TSC22D2: variants seen among roughly 807,000 people sequenced by gnomAD.
TSC22D2 encodes the protein TSC22 domain family member 2.
A neutral mutation model predicts 50.1 loss-of-function variants in TSC22D2; 5 were observed. The ratio of observed to expected loss-of-function variants is 0.10; its 90% CI spans 0.05 to 0.21. TSC22D2 has a LOEUF of 0.21. TSC22D2 is among the 10% of genes least tolerant of loss of function. The pLI is 1.00. For missense variants in TSC22D2, 1,003 were observed against 1,015.5 expected, an observed-to-expected ratio of 0.99 and a Z score of 0.17; for synonymous variants, 501 against 450.1, an observed-to-expected ratio of 1.11 and a Z score of -1.43.
Position 150,410,973 on chromosome 3 carries a change from GAGC to G in TSC22D2, c.1627_1629del (p.Ser543del). On this transcript the variant is annotated inframe_deletion, in exon 1 of 3. Transcript: ENST00000688009. The stretch of plus-strand genomic sequence containing the variant: ...CGCCTCTGGCCCAGTCGCAACAGCT[GAGC>G]AGCCATACGCCAGTCAGCAGGAGCA... The G allele has an allele frequency of 6.2e-7, 1 of 1,614,206 alleles. No individual in the cohort carries two copies. The highest frequency in any genetic ancestry group is 8.5e-7 in the Non-Finnish European group (1 of 1,180,038).
Position 150,410,654 on chromosome 3 carries a change from A to G in TSC22D2, c.1304A>G (p.Glu435Gly). ...ATGGGCGCGTCTTCCCAGCCCAGCG[A>G]AGCCATGGCCCCCCGGACGGGACCA... Reference protein sequence around the residue: ...QLMGASSQPSEAMAPRTGPAQ... With the variant: ...QLMGASSQPSGAMAPRTGPAQ... The change falls in exon 1 of 3, where the codon GAA becomes GGA. Residue 435 changes from glutamate (E) to glycine (G), a missense_variant. Transcript: ENST00000688009. The G allele has an allele frequency of 6.4e-7, 1 of 1,554,428 alleles. No individual in the cohort carries two copies. Among genetic ancestry groups the G allele is most frequent in the Non-Finnish European group, 8.7e-7 (1 of 1,152,114 alleles).
At chr3:150,414,084 A>G (rs1394522417) in intron 1 of TSC22D2, among the ~76,000 whole-genome samples, 2 of 152,224 alleles carry the variant, frequency 1.3e-5, no homozygotes, top group African/African-American at 2.4e-5. Flanking sequence ...ACCGGGCCTT[A>G]TAGTAATACA....
At chr3:150,455,260 A>T (rs1396088013) in intron 1 of TSC22D2, among the ~76,000 whole-genome samples, 1 of 152,198 alleles carries the variant, frequency 6.6e-6, no homozygotes. Flanking sequence ...TCTGGCACTG[A>T]AGTATATACT....
chr3:150,447,416 T>C (rs928795664), intron 1 of TSC22D2, among the ~76,000 whole-genome samples: 34 of 152,174 alleles, frequency 2.2e-4, no homozygotes, highest in African/African-American at 8.0e-4. Context: ...AATCTAGACT[T>C]CTAGGCCAGA....
Position 150,458,463 on chromosome 3 carries a change from T to A in TSC22D2, c.2098T>A (p.Ser700Thr). 1.2e-6 allele frequency: 2 copies of A among 1,614,122 alleles called. No homozygotes were observed. The highest frequency in any genetic ancestry group is 1.7e-6 in the Non-Finnish European group (2 of 1,180,014). ...AATAAAAGAATTAGTTGAAAGAAAC[T>A]CTTTACTTGAACGAGAAAATGCACT... The part of the protein sequence containing the change: ...EQIKELVERN[S>T]LLERENALLK... The change falls in exon 3 of 3, where the codon TCT (serine) becomes ACT (threonine). Residue 700 changes from serine (S) to threonine (T), a missense_variant. Physicochemically the swap from Ser to Thr is moderately conservative, Grantham distance 58. Transcript: ENST00000688009.
At chr3:150,422,616 A>G (rs549000055) in intron 1 of TSC22D2, among the ~76,000 whole-genome samples, 1 of 152,358 alleles carries the variant, frequency 6.6e-6, no homozygotes, top group East Asian at 1.9e-4. Context: ...AGAGCCTAAG[A>G]AAAGTTTTTA....
rs1008997797 is a variant in TSC22D2, at chr3:150,465,545, CT to C, written c.*6913del. The C allele has an allele frequency of 3.0e-4, 46 of 152,312 alleles. No individual in the cohort carries two copies. Among genetic ancestry groups the C allele is most frequent in the African/African-American group, 1.1e-3 (44 of 41,576 alleles). 9.4% of individuals were successfully genotyped at this position (152,312 alleles called of 1,614,324 possible). On this transcript the variant is annotated 3_prime_UTR_variant, in exon 3 of 3. Transcript: ENST00000688009. ...ATACCCTGTGACCTAACAATTCCAA[CT>C]TTTAATGTCCTAAAGAAACATACAT... is the stretch of plus-strand genomic sequence containing the variant.
In TSC22D2 at chr3:150,447,883, G is replaced by A. The variant is rs547191160; in HGVS notation, c.1959-9193G>A. The stretch of plus-strand genomic sequence containing the variant: ...AGTCACCAAGAAATAATTTAAAGTA[G>A]CAGGTATTATAGTGTCGAGTTTTTA... On this transcript the variant is annotated intron_variant, in intron 1 of 2. Transcript: ENST00000688009. 2.6e-5 allele frequency among the ~76,000 whole-genome samples: 4 copies of A among 152,248 alleles called. 1 individual carries two copies. The East Asian group carries it at 5.8e-4, about 22-fold the overall frequency.
chr3:150,438,285 TG>T, intron 1 of TSC22D2: 1 of 403,444 alleles, frequency 2.5e-6, no homozygotes, highest in South Asian at 1.8e-5. Flanking sequence ...TGCCCTCACA[TG>T]GTTGGAGGGT....
intron 1 of TSC22D2, among the ~76,000 whole-genome samples, chr3:150,432,236 C>T (rs1365093478): frequency 6.6e-6 from 1 of 152,072 alleles, no homozygotes; most frequent in African/African-American, 2.4e-5. Flanking sequence ...TATATGCTTT[C>T]CACCCATATG....
At chr3:150,455,203 T>C (rs1721150342) in intron 1 of TSC22D2, among the ~76,000 whole-genome samples, 1 of 152,208 alleles carries the variant, frequency 6.6e-6, no homozygotes, top group Admixed American at 6.5e-5. Flanking sequence ...CACCGTCTTT[T>C]TTGCCAAAAT....
chr3:150,410,337 A>T lies in TSC22D2; in HGVS notation c.987A>T (p.Val329=). The T allele has an allele frequency of 6.3e-7, 1 of 1,589,354 alleles. No homozygotes were observed. The change falls in exon 1 of 3, where the codon GTA becomes GTT. Residue 329 remains valine (V), a synonymous_variant. Transcript: ENST00000688009. The part of the protein sequence containing the change: ...PGGQTLPPTN[V]TLAQPAMSLP... The stretch of plus-strand genomic sequence containing the variant: ...GACAGACTCTGCCGCCGACGAATGT[A>T]ACCCTGGCGCAGCCGGCTATGTCCC...
intron 1 of TSC22D2, among the ~76,000 whole-genome samples, chr3:150,412,156 T>A (rs979101076): frequency 1.3e-5 from 2 of 152,156 alleles, no homozygotes; most frequent in African/African-American, 4.8e-5. Context: ...CCACAACAGC[T>A]GATGTTTGGT....
At chr3:150,416,835 T>C (rs560326626) in intron 1 of TSC22D2, among the ~76,000 whole-genome samples, 5 of 152,284 alleles carry the variant, frequency 3.3e-5, no homozygotes, top group Admixed American at 2.0e-4. Flanking sequence ...TTTCTGCTCT[T>C]AAATCAGGTG....
chr3:150,456,145 A>AAAAAAAACAAAAAGAAAC (rs1721178908), intron 1 of TSC22D2, among the ~76,000 whole-genome samples: 1 of 151,500 alleles, frequency 6.6e-6, no homozygotes, highest in African/African-American at 2.4e-5. Flanking sequence ...CTACAGTCAA[A>AAAAAAAACAAAAAGAAAC]TACATGTAGG....
intron 1 of TSC22D2, among the ~76,000 whole-genome samples, chr3:150,418,521 A>G (rs1039914137): frequency 6.6e-6 from 1 of 151,980 alleles, no homozygotes; most frequent in Non-Finnish European, 1.5e-5. Flanking sequence ...CCTTAGAAGT[A>G]ACCCATTATT....
At chr3:150,456,930 G>A (rs1721208151) in intron 1 of TSC22D2, 146 bp from the exon 2 acceptor site, 1 of 671,920 alleles carries the variant, frequency 1.5e-6, no homozygotes, top group Non-Finnish European at 2.5e-6. Context: ...AGAGCTTTGA[G>A]TACTGAAATT....
At position 150,409,498 on chromosome 3, in the gene TSC22D2, G is replaced by C; in HGVS notation, c.148G>C (p.Asp50His). The C allele has an allele frequency of 7.4e-6, 12 of 1,613,110 alleles. No individual in the cohort carries two copies. Among genetic ancestry groups the C allele is most frequent in the Non-Finnish European group, 1.0e-5 (12 of 1,179,628 alleles). ...RTEDVSSEIF[D>H]VSRATDYGPE... ...AGAGGACGTCTCCTCCGAGATTTTCGACGTCTCTCGGGCCACGGATTATGG... is the reference window on the plus strand; with the variant it reads ...AGAGGACGTCTCCTCCGAGATTTTCCACGTCTCTCGGGCCACGGATTATGG... Residue 50 changes from aspartate to histidine, a missense_variant, in exon 1 of 3, where the codon GAC becomes CAC. By Grantham distance (81) the Asp-to-His change is moderately conservative. Coordinates refer to ENST00000688009, the MANE Select transcript of TSC22D2 (RefSeq NM_001303264.2). This position sits in a 1 kb window ranked among gnomAD's most constrained non-coding sequence, Gnocchi z 7.4.
chr3:150,430,338 G>C (rs910329575), intron 1 of TSC22D2, among the ~76,000 whole-genome samples: 7 of 152,276 alleles, frequency 4.6e-5, no homozygotes, highest in African/African-American at 1.7e-4. Flanking sequence ...TTTGAAGACA[G>C]GAGAGGAGAG....
Sources: gnomAD v4.1 joint callset for allele counts (sites outside exome capture counted in the v4.1 genomes callset) on GRCh38, gnomAD v4.1.1 for gene constraint, Gnocchi (gnomAD v3.1) non-coding constraint, MANE v1.5 for transcripts, NCBI Gene and HGNC (gene_info 2026-07-23, HGNC 2026-07-21) for gene names.